Variants in FBXO11 observed in about 807,000 individuals in gnomAD.
FBXO11 encodes the protein F-box only protein 11.
Under a neutral mutation model 117.0 loss-of-function variants are expected in FBXO11, and 13 were observed. The ratio of observed to expected loss-of-function variants is 0.11; its 90% CI spans 0.07 to 0.18. The LOEUF (loss-of-function observed/expected upper bound fraction) is 0.18, where lower values mean the gene tolerates loss of function less well. FBXO11 is among the 10% of genes least tolerant of loss of function. The pLI, the probability that FBXO11 is intolerant of heterozygous loss-of-function variation, is 1.00. For synonymous variants in FBXO11, 490 were observed against 380.5 expected (o/e 1.29, Z -3.35); for missense variants, 767 against 1,164.4 (o/e 0.66, Z 4.97).
intron 1 of FBXO11, among the ~76,000 whole-genome samples, chr2:47,868,365 T>C (rs1286243417): frequency 2.6e-5 from 4 of 151,618 alleles, no homozygotes; most frequent in Non-Finnish European, 5.9e-5. Context: ...TATTCCTGGG[T>C]ACCCTGAAAT....
At position 47,905,621 on chromosome 2, in the gene FBXO11, G is replaced by T; in HGVS notation, c.100C>A (p.Gln34Lys). 1 of 1,373,096 alleles carries T rather than the reference G, an allele frequency of 7.3e-7. No homozygotes were observed. Among genetic ancestry groups the T allele is most frequent in the Non-Finnish European group, 9.4e-7 (1 of 1,060,246 alleles). 85.1% of individuals were successfully genotyped at this position (1,373,096 alleles called of 1,614,324 possible). Residue 34 changes from glutamine (Q) to lysine (K), a missense_variant, in exon 1 of 23, where the codon CAG becomes AAG. Gln to Lys is a moderately conservative substitution (Grantham distance 53, BLOSUM62 1). Coordinates refer to ENST00000403359, the MANE Select transcript of FBXO11 (RefSeq NM_001190274.2). ...TGGGGCGGCTGCTGCTGGGGCGGCT[G>T]CGGCGGCGGCTGCTGCGGGGGCTGC... The part of the protein sequence containing the change: ...QQQPPQQPPP[Q>K]PPQQQPPQQQ...
intron 1 of FBXO11, among the ~76,000 whole-genome samples, chr2:47,881,207 G>A (rs1342295645): frequency 6.6e-6 from 1 of 152,032 alleles, no homozygotes; most frequent in Non-Finnish European, 1.5e-5. Context: ...AGCCAAGATT[G>A]CGCCACTGTC....
At chr2:47,862,487 C>T (rs922694818) in intron 1 of FBXO11, among the ~76,000 whole-genome samples, 6 of 152,122 alleles carry the variant, frequency 3.9e-5, no homozygotes, top group Admixed American at 6.6e-5. Flanking sequence ...TAATGTCTTG[C>T]TATGTTGCCC....
chr2:47,851,389 C>A (rs111432464), intron 1 of FBXO11, among the ~76,000 whole-genome samples: 9 of 151,930 alleles, frequency 5.9e-5, no homozygotes, highest in Non-Finnish European at 8.8e-5. Context: ...TTTTACCACG[C>A]GTGGCTAATT....
chr2:47,833,637 G>A (rs573976069), intron 7 of FBXO11, among the ~76,000 whole-genome samples: 17 of 152,308 alleles, frequency 1.1e-4, no homozygotes, highest in Admixed American at 3.9e-4. Context: ...ATGACTCAGT[G>A]TTTGACAGAT....
chr2:47,864,301 G>T (rs1387978243), intron 1 of FBXO11, among the ~76,000 whole-genome samples: 1 of 152,072 alleles, frequency 6.6e-6, no homozygotes, highest in Non-Finnish European at 1.5e-5. Context: ...TTAAAGACAG[G>T]AATTGGCTGG....
intron 1 of FBXO11, among the ~76,000 whole-genome samples, chr2:47,840,854 A>T (rs1021853325): frequency 9.0e-5 from 11 of 121,856 alleles, no homozygotes; most frequent in Non-Finnish European, 2.0e-4. Flanking sequence ...TTTAAAAATT[A>T]AAAAAAAAAA....
At chr2:47,827,814 A>G (rs1008727304) in intron 11 of FBXO11, among the ~76,000 whole-genome samples, 1 of 151,606 alleles carries the variant, frequency 6.6e-6, no homozygotes, top group Non-Finnish European at 1.5e-5. Flanking sequence ...TTCGTGCCTC[A>G]GCCTCCAAAG....
At chr2:47,873,700 C>G (rs1386303321) in intron 1 of FBXO11, among the ~76,000 whole-genome samples, 2 of 152,216 alleles carry the variant, frequency 1.3e-5, no homozygotes, top group Non-Finnish European at 2.9e-5. Flanking sequence ...CCCATTCACT[C>G]ACTTTTCAGT....
chr2:47,837,578 AAAGT>A (rs1219949639), intron 4 of FBXO11, among the ~76,000 whole-genome samples: 3 of 152,252 alleles, frequency 2.0e-5, no homozygotes, highest in Non-Finnish European at 2.9e-5. Flanking sequence ...GTGCATCATA[AAAGT>A]AATACATATA....
chr2:47,906,318 T>G lies in FBXO11; in HGVS notation c.-598A>C, dbSNP rs1678811498. On this transcript the variant is annotated 5_prime_UTR_variant, in exon 1 of 23. Coordinates refer to ENST00000403359, the MANE Select transcript of FBXO11 (RefSeq NM_001190274.2). ...GGTCTCTTCTCTCTCCTCCCCCCCT[T>G]CTCTCCTCGGCGAAGGGGAAATGAG... is the stretch of plus-strand genomic sequence containing the variant. Among the ~76,000 whole-genome samples, 1 of 152,036 alleles carries G rather than the reference T, an allele frequency of 6.6e-6. No individual in the cohort carries two copies. Among genetic ancestry groups the G allele is most frequent in the African/African-American group, 2.4e-5 (1 of 41,392 alleles).
At chr2:47,893,889 T>C (rs1233715195) in intron 1 of FBXO11, among the ~76,000 whole-genome samples, 1 of 152,208 alleles carries the variant, frequency 6.6e-6, no homozygotes, top group South Asian at 2.1e-4. Flanking sequence ...TGTGGCTATG[T>C]GTTGAAAAAA....
intron 1 of FBXO11, 49 bp from the exon 2 acceptor site, chr2:47,839,818 G>A (rs765844610): frequency 3.9e-6 from 6 of 1,546,662 alleles, no homozygotes; most frequent in South Asian, 3.7e-5. Flanking sequence ...TTTAAAAAAA[G>A]TTCTATGGAT....
intron 14 of FBXO11, among the ~76,000 whole-genome samples, chr2:47,819,755 A>G (rs1167999289): frequency 6.6e-6 from 1 of 152,198 alleles, no homozygotes; most frequent in African/African-American, 2.4e-5. Flanking sequence ...ATATGGCTTC[A>G]TGTTCCCAAA....
At chr2:47,902,093 G>A (rs1057509870) in intron 1 of FBXO11, among the ~76,000 whole-genome samples, 2 of 151,932 alleles carry the variant, frequency 1.3e-5, no homozygotes, top group African/African-American at 4.8e-5. Context: ...GAGCCGCCAT[G>A]CCTGGCTCAT....
Position 47,905,616 on chromosome 2 carries a change from C to CGGCTGCGGCGGCGGCTGCTGCGGG in FBXO11, c.81_104dup (p.Pro31_Gln38dup). 1 of 1,368,058 alleles carries CGGCTGCGGCGGCGGCTGCTGCGGG rather than the reference C, an allele frequency of 7.3e-7. No individual in the cohort carries two copies. Among genetic ancestry groups the CGGCTGCGGCGGCGGCTGCTGCGGG allele is most frequent in the Non-Finnish European group, 9.4e-7 (1 of 1,058,434 alleles). The allele number at this position is 1,368,058 out of a possible 1,614,324, so 84.7% of individuals were successfully genotyped here. On this transcript the variant is annotated inframe_insertion, in exon 1 of 23. Transcript: ENST00000403359. Reference sequence around the variant, plus strand: ...GCTGCTGGGGCGGCTGCTGCTGGGGCGGCTGCGGCGGCGGCTGCTGCGGGG... The same window carrying CGGCTGCGGCGGCGGCTGCTGCGGG: ...GCTGCTGGGGCGGCTGCTGCTGGGGCGGCTGCGGCGGCGGCTGCTGCGGGGGCTGCGGCGGCGGCTGCTGCGGGG...
At chr2:47,833,612 A>G (rs746069008) in intron 7 of FBXO11, among the ~76,000 whole-genome samples, 1 of 152,226 alleles carries the variant, frequency 6.6e-6, no homozygotes, top group Non-Finnish European at 1.5e-5. Context: ...AAATAAAAAA[A>G]CCACAAATCT....
At chr2:47,831,116 A>T (rs1204286576) in intron 11 of FBXO11, among the ~76,000 whole-genome samples, 1 of 151,262 alleles carries the variant, frequency 6.6e-6, no homozygotes, top group African/African-American at 2.4e-5. Context: ...AGTTTAGTTT[A>T]AAAAAAGAGC....
At chr2:47,830,399 G>C (rs890829367) in intron 11 of FBXO11, among the ~76,000 whole-genome samples, 6 of 151,906 alleles carry the variant, frequency 3.9e-5, no homozygotes, top group Admixed American at 3.9e-4. Context: ...AACAAAAAAT[G>C]GCTGGATGAC....
Sources: allele counts gnomAD v4.1 joint callset (sites outside exome capture counted in the v4.1 genomes callset), GRCh38; gene constraint gnomAD v4.1.1; transcripts MANE v1.5; gene names NCBI Gene and HGNC (gene_info 2026-07-23, HGNC 2026-07-21).